GREB1L: variants seen among roughly 807,000 people sequenced by gnomAD.
GREB1L encodes the protein GREB1-like protein.
Under a neutral mutation model 200.8 loss-of-function variants are expected in GREB1L, and 17 were observed. That is an observed-to-expected ratio of 0.08 (90% confidence interval 0.06 to 0.13). The LOEUF is 0.13. Among genes scored for constraint, GREB1L ranks in the 10% least tolerant of loss-of-function variants. The pLI, the probability that GREB1L is intolerant of heterozygous loss-of-function variation, is 1.00. For missense variants in GREB1L, 1,657 were observed against 2,367.7 expected (o/e 0.70, Z 6.23); for synonymous variants, 789 against 893.0 (o/e 0.88, Z 2.08).
At chr18:21,325,454 G>T (rs1357718308) in intron 1 of GREB1L, among the ~76,000 whole-genome samples, 2 of 152,154 alleles carry the variant, frequency 1.3e-5, no homozygotes, top group African/African-American at 4.8e-5. Flanking sequence ...ATATGGCAGA[G>T]AATATGGTCA....
chr18:21,360,790 C>T (rs1217687162), intron 1 of GREB1L, among the ~76,000 whole-genome samples: 2 of 152,128 alleles, frequency 1.3e-5, no homozygotes, highest in African/African-American at 2.4e-5. Context: ...TTTTAGAAAG[C>T]AAATGAACAT....
intron 17 of GREB1L, among the ~76,000 whole-genome samples, chr18:21,482,874 T>C (rs1407995562): frequency 6.6e-6 from 1 of 152,014 alleles, no homozygotes; most frequent in Non-Finnish European, 1.5e-5. Flanking sequence ...CCCCCAGAAA[T>C]AGTGATTCAA....
chr18:21,505,302 A>G, intron 23 of GREB1L, 110 bp from the exon 24 acceptor site: 1 of 965,626 alleles, frequency 1.0e-6, no homozygotes. Flanking sequence ...TTTTTCAGAA[A>G]TGCCTTTGTC....
rs536579658 is a variant in GREB1L at position 21,368,654 on chromosome 18, A to G, written c.-10+2518A>G. Among the ~76,000 whole-genome samples, 31 of 152,306 alleles carry G rather than the reference A, an allele frequency of 2.0e-4. No individual in the cohort carries two copies. The South Asian group carries it at 6.2e-3, about 31-fold the overall frequency. ...TTTGAAAGAAGACAGCTATTTGGCA[A>G]TAGTATTTAAGAAAAACAATCAAGT... On this transcript the variant is annotated intron_variant, in intron 2 of 32. Transcript: ENST00000424526.
chr18:21,321,810 T>G (rs1241544196), intron 1 of GREB1L, among the ~76,000 whole-genome samples: 2 of 152,252 alleles, frequency 1.3e-5, no homozygotes, highest in Non-Finnish European at 2.9e-5. Flanking sequence ...TCCATAGATG[T>G]CAAAAGGGCA....
chr18:21,290,853 C>G (rs980578538), intron 1 of GREB1L, among the ~76,000 whole-genome samples: 2 of 150,218 alleles, frequency 1.3e-5, no homozygotes, highest in African/African-American at 4.9e-5. Context: ...AAAGATAGAC[C>G]ATCTCAAGTT....
At position 21,524,050 on chromosome 18, in the gene GREB1L, A is replaced by C. The variant is rs1295275737; in HGVS notation, c.*1229A>C. On this transcript the variant is annotated 3_prime_UTR_variant, in exon 33 of 33. Coordinates refer to ENST00000424526, the MANE Select transcript of GREB1L (RefSeq NM_001142966.3). ...AGTGTTCTAGATAAAACTAAGTCTTAGAAGTTTACTCTTAAATTACTCCAG... is the reference window on the plus strand; with the variant it reads ...AGTGTTCTAGATAAAACTAAGTCTTCGAAGTTTACTCTTAAATTACTCCAG... 1.3e-5 allele frequency: 2 copies of C among 152,234 alleles called. No individual in the cohort carries two copies. The highest frequency in any genetic ancestry group is 4.8e-5 in the African/African-American group (2 of 41,474). 9.4% of individuals were successfully genotyped at this position (152,234 alleles called of 1,614,324 possible). A position where few individuals can be genotyped will look rare whatever the true frequency, so the allele number is the denominator to read the frequency against.
chr18:21,371,070 A>C (rs1567956771), intron 2 of GREB1L, among the ~76,000 whole-genome samples: 1 of 152,062 alleles, frequency 6.6e-6, no homozygotes. Flanking sequence ...TGGTCAACAG[A>C]GTAAGACTCT....
chr18:21,337,725 A>G (rs1358071665), intron 1 of GREB1L, among the ~76,000 whole-genome samples: 3 of 152,136 alleles, frequency 2.0e-5, no homozygotes, highest in Non-Finnish European at 4.4e-5. Context: ...AGTGGCTCAC[A>G]CCTGTAATCC....
At chr18:21,521,325 C>G (rs1285800770) in intron 32 of GREB1L, among the ~76,000 whole-genome samples, 5 of 151,060 alleles carry the variant, frequency 3.3e-5, no homozygotes, top group Non-Finnish European at 5.9e-5. Context: ...GAGCCAAGAT[C>G]ACGCCATTGC....
chr18:21,415,937 A>G (rs1321272097), intron 7 of GREB1L, among the ~76,000 whole-genome samples: 2 of 152,242 alleles, frequency 1.3e-5, no homozygotes, highest in Non-Finnish European at 2.9e-5. Context: ...AAAATCGACA[A>G]TGCCTGACAT....
intron 7 of GREB1L, among the ~76,000 whole-genome samples, chr18:21,408,218 T>C (rs1448391924): frequency 6.6e-6 from 1 of 152,192 alleles, no homozygotes; most frequent in African/African-American, 2.4e-5. Flanking sequence ...TATCAAAATA[T>C]GTGTACCCCA....
chr18:21,460,904 C>T lies in GREB1L; in HGVS notation c.2182+6341C>T, dbSNP rs548820862. 3.3e-5 allele frequency among the ~76,000 whole-genome samples: 5 copies of T among 151,750 alleles called. No homozygotes were observed. In the East Asian group the frequency reaches 5.9e-4, roughly 18 times the overall value. On this transcript the variant is annotated intron_variant, in intron 15 of 32. Transcript: ENST00000424526. Reference sequence around the variant, plus strand: ...CTGAGGTCAGGAGTTCGAGACCAGCCGGGCCAACATAGTGAAACCCTGTCT... The same window carrying T: ...CTGAGGTCAGGAGTTCGAGACCAGCTGGGCCAACATAGTGAAACCCTGTCT...
At chr18:21,386,407 C>T (rs2040541482) in intron 4 of GREB1L, among the ~76,000 whole-genome samples, 1 of 152,116 alleles carries the variant, frequency 6.6e-6, no homozygotes, top group Non-Finnish European at 1.5e-5. Flanking sequence ...TTCTCTGCCT[C>T]AGCCTCACAA....
intron 1 of GREB1L, among the ~76,000 whole-genome samples, chr18:21,328,964 G>A (rs1287312960): frequency 2.0e-5 from 3 of 152,170 alleles, no homozygotes; most frequent in African/African-American, 7.2e-5. Context: ...ATGTGGGGGA[G>A]CTGGGATCCA....
chr18:21,492,153 T>C (rs1156366740), intron 19 of GREB1L, among the ~76,000 whole-genome samples: 2 of 152,018 alleles, frequency 1.3e-5, no homozygotes, highest in African/African-American at 2.4e-5. Context: ...AAGACCACCC[T>C]GGCTAACACG....
At chr18:21,362,533 T>C (rs2039595577) in intron 1 of GREB1L, among the ~76,000 whole-genome samples, 5 of 152,324 alleles carry the variant, frequency 3.3e-5, no homozygotes, top group Admixed American at 2.0e-4. Flanking sequence ...TTGGCTCTTT[T>C]CTTTAGATGT....
At chr18:21,422,355 C>T (rs1213284500) in intron 7 of GREB1L, among the ~76,000 whole-genome samples, 1 of 152,170 alleles carries the variant, frequency 6.6e-6, no homozygotes, top group Non-Finnish European at 1.5e-5. Context: ...TGTGTATATA[C>T]ATACATATAT....
intron 1 of GREB1L, among the ~76,000 whole-genome samples, chr18:21,252,943 G>T (rs1173943739): frequency 6.6e-6 from 1 of 152,164 alleles, no homozygotes; most frequent in Non-Finnish European, 1.5e-5. Context: ...ATTTGAGGGA[G>T]ATTGACTTTT....
Sources: gnomAD v4.1 joint callset for allele counts (sites outside exome capture counted in the v4.1 genomes callset) on GRCh38, gnomAD v4.1.1 for gene constraint, MANE v1.5 for transcripts, NCBI Gene and HGNC (gene_info 2026-07-23, HGNC 2026-07-21) for gene names.